PHACTR2: variants seen among roughly 807,000 people sequenced by gnomAD.
PHACTR2 encodes phosphatase and actin regulator 2.
PHACTR2 carries 30 observed loss-of-function variants against 76.0 expected under a neutral mutation model. That is an observed-to-expected ratio of 0.39 (90% CI 0.30 to 0.54). PHACTR2 has a LOEUF of 0.54. PHACTR2 is among the 20% of genes least tolerant of loss of function. The pLI is 0.61. For missense variants in PHACTR2, 696 were observed against 781.1 expected, an observed-to-expected ratio of 0.89 and a Z score of 1.30; for synonymous variants, 292 against 292.5, an observed-to-expected ratio of 1.00 and a Z score of 0.02.
At position 143,768,119 on chromosome 6, in the gene PHACTR2, A is replaced by G. The variant is rs140701598; in HGVS notation, c.1232+2321A>G. 7.2e-3 allele frequency among the ~76,000 whole-genome samples: 1,097 copies of G among 152,322 alleles called. 15 individuals carry two copies. Among genetic ancestry groups the G allele is most frequent in the African/African-American group, 0.024 (979 of 41,578 alleles). Reference sequence around the variant, plus strand: ...CCAAAGTGCTGGGACTACAGGCGTGAGCCACCATACCCAGCTAGGATTAAA... The same window carrying G: ...CCAAAGTGCTGGGACTACAGGCGTGGGCCACCATACCCAGCTAGGATTAAA... On this transcript the variant is annotated intron_variant, in intron 6 of 12. Transcript: ENST00000440869.
At position 143,683,205 on chromosome 6, in the gene PHACTR2, C is replaced by CTAGTAT. The variant is rs1777437209; in HGVS notation, c.46+4998_46+5003dup. Among the ~76,000 whole-genome samples the CTAGTAT allele has an allele frequency of 6.6e-6, 1 of 152,138 alleles. No homozygotes were observed. Among genetic ancestry groups the CTAGTAT allele is most frequent in the African/African-American group, 2.4e-5 (1 of 41,404 alleles). ...TCATGCCCTAGGAGGATTGAGACTT[C>CTAGTAT]TAGTATTTCATTGTGAAGTGTAGAG... On this transcript the variant is annotated intron_variant, in intron 1 of 12. Transcript: ENST00000440869. This position sits in a 1 kb window ranked among gnomAD's most constrained non-coding sequence, Gnocchi z 4.1.
At chr6:143,701,340 T>G (rs1239205885) in intron 1 of PHACTR2, among the ~76,000 whole-genome samples, 2 of 152,196 alleles carry the variant, frequency 1.3e-5, no homozygotes, top group Non-Finnish European at 2.9e-5. Flanking sequence ...GTATCAAACT[T>G]CTAAAATTAA....
intron 1 of PHACTR2, among the ~76,000 whole-genome samples, chr6:143,650,748 A>G (rs1029711204): frequency 5.3e-5 from 8 of 152,228 alleles, no homozygotes; most frequent in Non-Finnish European, 1.2e-4. Context: ...AGTCTAGGCA[A>G]TACCATTTAG....
chr6:143,568,273 T>C (rs1775390943), intron 1 of PHACTR2, among the ~76,000 whole-genome samples: 1 of 152,208 alleles, frequency 6.6e-6, no homozygotes, highest in African/African-American at 2.4e-5. Context: ...ATGAAATGGG[T>C]ACCATAATTC....
chr6:143,691,736 G>C (rs1029460726), intron 1 of PHACTR2, among the ~76,000 whole-genome samples: 1 of 152,134 alleles, frequency 6.6e-6, no homozygotes, highest in Non-Finnish European at 1.5e-5. Context: ...CAAAGTCAAA[G>C]AACAGGGCAC....
intron 2 of PHACTR2, among the ~76,000 whole-genome samples, chr6:143,735,323 A>C (rs773883233): frequency 6.6e-6 from 1 of 152,248 alleles, no homozygotes; most frequent in Non-Finnish European, 1.5e-5. Context: ...ACTAGATATT[A>C]GAAAATTATT....
At position 143,658,181 on chromosome 6, in the gene PHACTR2, A is replaced by C. The variant is rs1776883445; in HGVS notation, c.13+49859A>C. 6.6e-6 allele frequency among the ~76,000 whole-genome samples: 1 copy of C among 152,226 alleles called. No individual in the cohort carries two copies. The highest frequency in any genetic ancestry group is 2.4e-5 in the African/African-American group (1 of 41,460). On this transcript the variant is annotated intron_variant, in intron 1 of 11. Transcript: ENST00000305766. This position sits in a 1 kb window ranked among gnomAD's most constrained non-coding sequence, Gnocchi z 4.1. The stretch of plus-strand genomic sequence containing the variant: ...AAGTAGAATTTCTGAGTCATAGGGT[A>C]GGTGTATGTTTAACATTACAGAAAC...
chr6:143,660,186 C>A (rs901674165), intron 1 of PHACTR2, among the ~76,000 whole-genome samples: 7 of 151,344 alleles, frequency 4.6e-5, no homozygotes, highest in African/African-American at 9.7e-5. Flanking sequence ...ACCCACAGAC[C>A]TTGTATTAGT....
Position 143,543,938 on chromosome 6 carries a change from C to T in PHACTR2, c.217+6731C>T, listed in dbSNP as rs1004848417. On this transcript the variant is annotated intron_variant, in intron 1 of 11. Transcript: ENST00000367584. The surrounding 1 kb of genome is among the most constrained non-coding windows in gnomAD (Gnocchi z 4.7). ...ACTGTCAGGGCTCAGAAAACAATAC[C>T]GCAAAGCGTGGTGCTTTGATGTGCT... 8.5e-4 allele frequency among the ~76,000 whole-genome samples: 129 copies of T among 152,092 alleles called. 1 individual carries two copies. Among genetic ancestry groups the T allele is most frequent in the African/African-American group, 2.8e-3 (118 of 41,412 alleles).
chr6:143,781,493 C>G (rs536588383), intron 9 of PHACTR2, among the ~76,000 whole-genome samples: 1 of 152,252 alleles, frequency 6.6e-6, no homozygotes, highest in Admixed American at 6.5e-5. Flanking sequence ...GAAGAATTGA[C>G]AAAAATGTTC....
At chr6:143,612,399 G>T (rs1212732789) in intron 1 of PHACTR2, among the ~76,000 whole-genome samples, 1 of 152,182 alleles carries the variant, frequency 6.6e-6, no homozygotes, top group Non-Finnish European at 1.5e-5. Context: ...GGTGACTCAG[G>T]AGAAGGGTTA....
intron 1 of PHACTR2, among the ~76,000 whole-genome samples, chr6:143,686,143 A>AT (rs1315529971): frequency 2.0e-5 from 3 of 151,982 alleles, no homozygotes; most frequent in East Asian, 3.9e-4. Context: ...AAAAAAAAAA[A>AT]AAAAGTGCAC....
Position 143,755,554 on chromosome 6 carries a change from T to C in PHACTR2, c.454+1642T>C. The C allele has an allele frequency of 3.1e-6, 1 of 326,282 alleles. No individual in the cohort carries two copies. The highest frequency in any genetic ancestry group is 6.1e-6 in the Non-Finnish European group (1 of 164,986). 20.2% of individuals were successfully genotyped at this position (326,282 alleles called of 1,614,324 possible). A position where few individuals can be genotyped will look rare whatever the true frequency, so the allele number is the denominator to read the frequency against. On this transcript the variant is annotated intron_variant, in intron 4 of 12. Transcript: ENST00000440869. This position sits in a 1 kb window ranked among gnomAD's most constrained non-coding sequence, Gnocchi z 5.2. ...GAAGATAGCAGACCTTATGGGTCCA[T>C]GAATAGTTGAGAGATGTTTTTCTTT...
Position 143,671,964 on chromosome 6 carries a change from A to G in PHACTR2, c.14-40052A>G, listed in dbSNP as rs1034752995. ...ATCAAAAACATATGAAACAAGCCAG[A>G]TTAAAAAAAACTGTACATAATATTA... On this transcript the variant is annotated intron_variant, in intron 1 of 11. Transcript: ENST00000305766. The surrounding 1 kb of genome is among the most constrained non-coding windows in gnomAD (Gnocchi z 4.6). 4.1e-5 allele frequency among the ~76,000 whole-genome samples: 6 copies of G among 147,046 alleles called. No individual in the cohort carries two copies. Among genetic ancestry groups the G allele is most frequent in the African/African-American group, 1.5e-4 (6 of 41,238 alleles).
intron 2 of PHACTR2, among the ~76,000 whole-genome samples, chr6:143,728,898 G>A (rs1266351916): frequency 6.6e-6 from 1 of 152,038 alleles, no homozygotes; most frequent in Admixed American, 6.6e-5. Context: ...AGAAAACATA[G>A]GAGAAACACT....
chr6:143,537,034 C>T lies in PHACTR2; in HGVS notation c.44C>T (p.Pro15Leu), dbSNP rs965568042. The T allele has an allele frequency of 5.1e-5, 9 of 175,830 alleles. No homozygotes were observed. The highest frequency in any genetic ancestry group is 2.4e-3 in the Middle Eastern group (1 of 424). The allele number at this position is 175,830 out of a possible 1,614,324, so 10.9% of individuals were successfully genotyped here. The change falls in exon 1 of 12, where the codon CCG becomes CTG. Residue 15 changes from proline (P) to leucine (L), a missense_variant. Physicochemically the swap from Pro to Leu is moderately conservative, Grantham distance 98. Transcript: ENST00000367584. This position sits in a 1 kb window ranked among gnomAD's most constrained non-coding sequence, Gnocchi z 4.4. Reference sequence around the variant, plus strand: ...CGCCCCGCGGCGTCCCCGGTCGATCCGGCCGGGCAGGCGGCGGCGGTCCCA... The same window carrying T: ...CGCCCCGCGGCGTCCCCGGTCGATCTGGCCGGGCAGGCGGCGGCGGTCCCA...
intron 1 of PHACTR2, among the ~76,000 whole-genome samples, chr6:143,635,278 A>G (rs1220309881): frequency 6.6e-6 from 1 of 151,798 alleles, no homozygotes; most frequent in African/African-American, 2.4e-5. Flanking sequence ...CATGTACTCA[A>G]ATGCATTTAA....
rs199524373 is a variant in PHACTR2, at chr6:143,774,157, C to G, written c.1531C>G (p.Arg511Gly). The G allele has an allele frequency of 6.2e-7, 1 of 1,613,706 alleles. No individual in the cohort carries two copies. Among genetic ancestry groups the G allele is most frequent in the African/African-American group, 1.3e-5 (1 of 74,918 alleles). ...KELEDKNILQ[R>G]TSEEERQEIR... Reference sequence around the variant, plus strand: ...ACTAGAGGACAAAAACATCTTGCAGCGTACATCTGAAGAAGAGAGGCAGGA... The same window carrying G: ...ACTAGAGGACAAAAACATCTTGCAGGGTACATCTGAAGAAGAGAGGCAGGA... The change falls in exon 8 of 13, where the codon CGT becomes GGT. Residue 511 changes from arginine (R) to glycine (G), a missense_variant. Transcript: ENST00000440869. This position sits in a 1 kb window ranked among gnomAD's most constrained non-coding sequence, Gnocchi z 5.4.
chr6:143,749,551 C>T (rs1779141557), intron 3 of PHACTR2, among the ~76,000 whole-genome samples: 1 of 152,176 alleles, frequency 6.6e-6, no homozygotes, highest in South Asian at 2.1e-4. Context: ...ATCAATAAAG[C>T]ATGAATAGGC....
Sources: gnomAD v4.1 joint callset for allele counts (sites outside exome capture counted in the v4.1 genomes callset) on GRCh38, gnomAD v4.1.1 for gene constraint, Gnocchi (gnomAD v3.1) non-coding constraint, MANE v1.5 for transcripts, NCBI Gene and HGNC (gene_info 2026-07-23, HGNC 2026-07-21) for gene names.